The following RHBDD1 variants were observed in gnomAD, a reference collection of about 807,000 sequenced individuals.
RHBDD1 encodes rhomboid-related protein 4.
In RHBDD1, 38 loss-of-function variants were observed where a neutral mutation model predicts 36.3. The ratio of observed to expected loss-of-function variants is 1.05; its 90% CI spans 0.81 to 1.37. The LOEUF (loss-of-function observed/expected upper bound fraction) is 1.37, where lower values mean the gene tolerates loss of function less well. Ranked by LOEUF, RHBDD1 falls within the 40% of genes most tolerant of loss-of-function variation. RHBDD1 has a pLI of 0.00. For missense variants in RHBDD1, 393 were observed against 377.6 expected (o/e 1.04, Z -0.34); for synonymous variants, 151 against 136.5 (o/e 1.11, Z -0.74).
chr2:226,905,428 G>A (rs1947971018), intron 5 of RHBDD1, among the ~76,000 whole-genome samples: 1 of 152,102 alleles, frequency 6.6e-6, no homozygotes, highest in Non-Finnish European at 1.5e-5. Context: ...GAGTGCTTGG[G>A]GGATGTGACA....
intron 8 of RHBDD1, among the ~76,000 whole-genome samples, chr2:226,938,510 A>G (rs114835894): frequency 6.6e-6 from 1 of 152,284 alleles, no homozygotes; most frequent in African/African-American, 2.4e-5. Context: ...ATGCAAGTAA[A>G]TTGGAAAATC....
At chr2:226,862,140 A>T (rs902282844) in intron 3 of RHBDD1, among the ~76,000 whole-genome samples, 1 of 152,166 alleles carries the variant, frequency 6.6e-6, no homozygotes, top group African/African-American at 2.4e-5. Flanking sequence ...TTAGGATGTT[A>T]CCATTTGCAA....
At chr2:226,947,184 A>G (rs1426649795) in intron 8 of RHBDD1, among the ~76,000 whole-genome samples, 1 of 151,440 alleles carries the variant, frequency 6.6e-6, no homozygotes, top group Non-Finnish European at 1.5e-5. Context: ...GCCCATGCCT[A>G]TGTCCTGAAT....
At chr2:226,836,027 A>AACGTGCGTGATGACGC (rs1454655232), upstream of RHBDD1, 1 of 152,664 alleles carries the variant, frequency 6.6e-6, no homozygotes, top group Non-Finnish European at 1.5e-5. Flanking sequence ...CCGGATCGGG[A>AACGTGCGTGATGACGC]ACGTGCGTGA....
At chr2:226,945,570 T>C (rs952629703) in intron 8 of RHBDD1, among the ~76,000 whole-genome samples, 7 of 152,194 alleles carry the variant, frequency 4.6e-5, no homozygotes, top group Non-Finnish European at 8.8e-5. Flanking sequence ...TGATGGGCCT[T>C]TGGGTTGGTT....
At chr2:226,945,874 A>G (rs1559299902) in intron 8 of RHBDD1, among the ~76,000 whole-genome samples, 1 of 151,270 alleles carries the variant, frequency 6.6e-6, no homozygotes, top group Non-Finnish European at 1.5e-5. Context: ...ACGGTATCTC[A>G]TGGTTTTGAT....
At chr2:226,928,411 T>C (rs186808156) in intron 8 of RHBDD1, among the ~76,000 whole-genome samples, 29 of 152,174 alleles carry the variant, frequency 1.9e-4, no homozygotes, top group African/African-American at 6.7e-4. Context: ...ATTTTTGGGT[T>C]AACAATGATA....
chr2:226,835,447 C>A (rs1379963653), upstream of RHBDD1: 1 of 152,264 alleles, frequency 6.6e-6, no homozygotes, highest in Non-Finnish European at 1.5e-5. Flanking sequence ...GAAAGGTGCA[C>A]CCGCGACCTT....
the RHBDD1 span, among the ~76,000 whole-genome samples, chr2:226,829,837 C>A: frequency 6.6e-6 from 1 of 152,060 alleles, no homozygotes; most frequent in Non-Finnish European, 1.5e-5. Flanking sequence ...CAATTTGATG[C>A]CTTTTATTTC....
chr2:226,872,746 A>C (rs1426409596), intron 5 of RHBDD1, among the ~76,000 whole-genome samples: 1 of 152,166 alleles, frequency 6.6e-6, no homozygotes, highest in African/African-American at 2.4e-5. Flanking sequence ...TGTTCTTATG[A>C]TGCAGTCCTC....
upstream of RHBDD1, among the ~76,000 whole-genome samples, chr2:226,830,808 G>A (rs764176477): frequency 4.2e-5 from 6 of 144,400 alleles, no homozygotes; most frequent in Non-Finnish European, 8.9e-5. Context: ...GAGTAGCTGG[G>A]ACTACAGGTG....
At chr2:226,830,465 T>C in the RHBDD1 span, among the ~76,000 whole-genome samples, 1 of 152,128 alleles carries the variant, frequency 6.6e-6, no homozygotes, top group Non-Finnish European at 1.5e-5. Context: ...GACCATGTGG[T>C]TTTTGTCCTC....
intron 7 of RHBDD1, among the ~76,000 whole-genome samples, chr2:226,909,100 A>G (rs1312273511): frequency 2.0e-5 from 3 of 152,104 alleles, no homozygotes; most frequent in Admixed American, 1.3e-4. Context: ...TAACTCAGGC[A>G]TGAAAACATG....
chr2:226,979,197 C>CAAGAGCTGA (rs1239952004), intron 8 of RHBDD1, among the ~76,000 whole-genome samples: 1 of 152,168 alleles, frequency 6.6e-6, no homozygotes, highest in Non-Finnish European at 1.5e-5. Flanking sequence ...CTGAAAGTCC[C>CAAGAGCTGA]AGTGTCCAAG....
At chr2:226,896,697 T>C (rs911367175) in intron 5 of RHBDD1, among the ~76,000 whole-genome samples, 3 of 152,184 alleles carry the variant, frequency 2.0e-5, no homozygotes, top group Non-Finnish European at 2.9e-5. Flanking sequence ...ACAACTCAAG[T>C]TCTTTACTAT....
Position 226,918,859 on chromosome 2 carries a change from C to T in RHBDD1, c.856+4508C>T, listed in dbSNP as rs1323121883. Among the ~76,000 whole-genome samples the T allele has an allele frequency of 2.6e-5, 4 of 151,994 alleles. No homozygotes were observed. The East Asian group carries it at 7.7e-4, about 29-fold the overall frequency. On this transcript the variant is annotated intron_variant, in intron 8 of 8. Transcript: ENST00000392062. ...GTAGAATTGCTGGATCATATGGTAG[C>T]TCTACATTTAGTTTTCTGTGGAACT...
intron 8 of RHBDD1, among the ~76,000 whole-genome samples, chr2:226,979,729 A>G (rs564373482): frequency 8.5e-5 from 13 of 152,304 alleles, no homozygotes; most frequent in African/African-American, 3.1e-4. Flanking sequence ...CAGTCGCCTG[A>G]CTTGAATGTC....
rs565958970 is a variant in RHBDD1 at position 226,959,947 on chromosome 2, C to T, written c.857-35484C>T. On this transcript the variant is annotated intron_variant, in intron 8 of 8. Coordinates refer to ENST00000392062, the MANE Select transcript of RHBDD1 (RefSeq NM_001167608.3). Reference sequence around the variant, plus strand: ...AAGCGATTCTCCTGCCTCAGCCTCCCGAGTAGCTGGGACTACAGGCACCTG... The same window carrying T: ...AAGCGATTCTCCTGCCTCAGCCTCCTGAGTAGCTGGGACTACAGGCACCTG... Among the ~76,000 whole-genome samples the T allele has an allele frequency of 2.2e-4, 33 of 152,144 alleles. No homozygotes were observed. The East Asian group carries it at 4.6e-3, about 21-fold the overall frequency.
chr2:226,898,842 C>T (rs1039078734), intron 5 of RHBDD1, among the ~76,000 whole-genome samples: 10 of 152,142 alleles, frequency 6.6e-5, no homozygotes, highest in African/African-American at 2.2e-4. Context: ...AGGAAGAAAT[C>T]GTGGAGAGTA....
Sources: allele counts gnomAD v4.1 joint callset (sites outside exome capture counted in the v4.1 genomes callset), GRCh38; gene constraint gnomAD v4.1.1; transcripts MANE v1.5; gene names NCBI Gene and HGNC (gene_info 2026-07-23, HGNC 2026-07-21).